Variants in CHAT observed in about 807,000 individuals in gnomAD.
CHAT encodes the protein acetyl CoA:choline O-acetyltransferase.
A neutral mutation model predicts 76.9 loss-of-function variants in CHAT; 61 were observed. The observed-to-expected ratio is 0.79, with a 90% CI of 0.65 to 0.98. The LOEUF (loss-of-function observed/expected upper bound fraction) is 0.98. CHAT is among the 50% of genes least tolerant of loss of function. CHAT has a pLI of 0.00. For missense variants in CHAT, 946 were observed against 986.9 expected (o/e 0.96, Z 0.56); for synonymous variants, 407 against 397.4 (o/e 1.02, Z -0.29).
upstream of CHAT, among the ~76,000 whole-genome samples, chr10:49,609,621 C>T (rs1023829915): frequency 6.6e-6 from 1 of 152,198 alleles, no homozygotes; most frequent in Non-Finnish European, 1.5e-5. Context: ...CTTCTGCCCT[C>T]AGTCCCCACA....
At chr10:49,610,808 C>T, upstream of CHAT, 1 of 1,595,442 alleles carries the variant, frequency 6.3e-7, no homozygotes, top group Non-Finnish European at 8.5e-7. Flanking sequence ...GCTGTGGGCG[C>T]GGCGCTGCAG....
chr10:49,649,440 G>A (rs1447866306), intron 9 of CHAT, 68 bp from the exon 10 acceptor site: 1 of 1,610,584 alleles, frequency 6.2e-7, no homozygotes, highest in African/African-American at 1.3e-5. Flanking sequence ...ATTGCACAGA[G>A]CAAAGAAGAG....
upstream of CHAT, chr10:49,611,820 C>T (rs772526674): frequency 6.2e-7 from 1 of 1,603,718 alleles, no homozygotes; most frequent in Non-Finnish European, 8.5e-7. Context: ...GGCTGTACGG[C>T]GCGCTTGGGC....
At chr10:49,662,589 A>C in intron 13 of CHAT, 56 bp from the exon 14 acceptor site, 2 of 1,608,166 alleles carry the variant, frequency 1.2e-6, no homozygotes, top group Non-Finnish European at 1.7e-6. Flanking sequence ...AGCAGGGAAC[A>C]AGGAGGTGCA....
chr10:49,613,357 C>T (rs982060081), upstream of CHAT, among the ~76,000 whole-genome samples: 2 of 152,170 alleles, frequency 1.3e-5, no homozygotes, highest in Admixed American at 6.5e-5. Flanking sequence ...CCCCCACTGC[C>T]ACCCTGTCCT....
At chr10:49,632,185 C>T (rs1839147507) in intron 7 of CHAT, among the ~76,000 whole-genome samples, 1 of 152,130 alleles carries the variant, frequency 6.6e-6, no homozygotes. Context: ...TGAGGCAAAG[C>T]TGGGCAGACA....
At chr10:49,612,352 T>C (rs1300850165), upstream of CHAT, 2 of 1,566,564 alleles carry the variant, frequency 1.3e-6, no homozygotes, top group Admixed American at 1.8e-5. Flanking sequence ...TCCCCACTCC[T>C]CCTCCAGCCC....
chr10:49,632,594 G>A (rs1839161966), intron 7 of CHAT, among the ~76,000 whole-genome samples: 1 of 152,184 alleles, frequency 6.6e-6, no homozygotes, highest in Non-Finnish European at 1.5e-5. Flanking sequence ...TCTCAGCCTG[G>A]TGGAGGTCTA....
intron 7 of CHAT, among the ~76,000 whole-genome samples, chr10:49,645,383 T>C (rs1430493928): frequency 6.6e-6 from 1 of 152,138 alleles, no homozygotes; most frequent in Non-Finnish European, 1.5e-5. Context: ...AGTGACTCCT[T>C]GGAATTTTAA....
At chr10:49,624,268 C>T (rs909235577) in intron 5 of CHAT, among the ~76,000 whole-genome samples, 6 of 152,148 alleles carry the variant, frequency 3.9e-5, no homozygotes, top group Non-Finnish European at 7.3e-5. Context: ...ACTAGAAAAA[C>T]GGTATGAAAT....
chr10:49,611,375 G>T, upstream of CHAT: 1 of 1,599,674 alleles, frequency 6.3e-7, no homozygotes. Flanking sequence ...GAGCGCAGTC[G>T]TGCACTGGGC....
upstream of CHAT, among the ~76,000 whole-genome samples, chr10:49,609,991 G>A (rs574899757): frequency 8.1e-4 from 124 of 152,220 alleles, no homozygotes; most frequent in Middle Eastern, 0.017. Flanking sequence ...AGAAGAGCGG[G>A]CGCTGACCCC....
rs576688078 is a variant in CHAT, at chr10:49,664,226, T to C, written c.1978-551T>C. 1.4e-4 allele frequency among the ~76,000 whole-genome samples: 22 copies of C among 152,292 alleles called. No homozygotes were observed. The South Asian group carries it at 4.3e-3, about 30-fold the overall frequency. On this transcript the variant is annotated intron_variant, in intron 14 of 14. Coordinates refer to ENST00000337653, the MANE Select transcript of CHAT (RefSeq NM_020549.5). ...GCACTCTGATTCAAAACATACTAGG[T>C]GCATAAGTAAAACTGATGGCAATCT...
intron 7 of CHAT, among the ~76,000 whole-genome samples, chr10:49,634,543 A>T (rs1839233175): frequency 6.6e-6 from 1 of 151,998 alleles, no homozygotes; most frequent in Non-Finnish European, 1.5e-5. Flanking sequence ...TCTGTGGTGC[A>T]TTTTGCTTTC....
At chr10:49,662,509 T>C (rs921024024) in intron 13 of CHAT, 136 bp from the exon 14 acceptor site, 2 of 1,136,610 alleles carry the variant, frequency 1.8e-6, no homozygotes, top group Non-Finnish European at 2.6e-6. Flanking sequence ...TCATACACAT[T>C]GTTGGCAGCA....
chr10:49,619,709 G>A lies in CHAT; in HGVS notation c.388-16G>A, dbSNP rs1460068967. On this transcript the variant is annotated splice_polypyrimidine_tract_variant and intron_variant, in intron 2 of 14. Transcript: ENST00000337653. The stretch of plus-strand genomic sequence containing the variant: ...CACATACTAGAGGCACAATGCCTAT[G>A]AACCCTTTCTTCCAGGGGCTGCCCA... 3 of 1,607,146 alleles carry A rather than the reference G, an allele frequency of 1.9e-6. No homozygotes were observed. The highest frequency in any genetic ancestry group is 2.7e-5 in the African/African-American group (2 of 74,868).
chr10:49,610,656 A>G (rs1000895425), upstream of CHAT: 26 of 1,342,190 alleles, frequency 1.9e-5, no homozygotes, highest in Admixed American at 3.1e-5. Context: ...GCCTCCCCGA[A>G]GTCCCGTGCC....
intron 13 of CHAT, among the ~76,000 whole-genome samples, 190 bp downstream of exon 13, chr10:49,655,638 T>C (rs1427856064): frequency 6.6e-6 from 1 of 152,244 alleles, no homozygotes; most frequent in Non-Finnish European, 1.5e-5. Context: ...CATTCCTGTT[T>C]TTGACATGGA....
At chr10:49,612,332 G>T (rs1454924192), upstream of CHAT, 3 of 1,584,140 alleles carry the variant, frequency 1.9e-6, no homozygotes, top group Non-Finnish European at 2.6e-6. Flanking sequence ...TACTACACCC[G>T]CAGCTAGCAT....
Sources: gnomAD v4.1 joint callset for allele counts (sites outside exome capture counted in the v4.1 genomes callset) on GRCh38, gnomAD v4.1.1 for gene constraint, MANE v1.5 for transcripts, NCBI Gene and HGNC (gene_info 2026-07-23, HGNC 2026-07-21) for gene names.